TRAPPC12: variants seen among roughly 807,000 people sequenced by gnomAD.
TRAPPC12 encodes the protein trafficking protein particle complex subunit 12.
TRAPPC12 carries 61 observed loss-of-function variants against 69.2 expected under a neutral mutation model. That is an observed-to-expected ratio of 0.88 (90% confidence interval 0.72 to 1.09). The LOEUF (loss-of-function observed/expected upper bound fraction) is 1.09. Among genes scored for constraint, TRAPPC12 ranks in the 50% least tolerant of loss-of-function variants. The probability of loss-of-function intolerance (pLI) is 0.00; values close to 1 mark genes in which losing one functional copy is unlikely to be tolerated. For missense variants in TRAPPC12, 1,101 were observed against 1,016.4 expected, an observed-to-expected ratio of 1.08 and a Z score of -1.13; for synonymous variants, 469 against 438.9, an observed-to-expected ratio of 1.07 and a Z score of -0.86.
At chr2:3,450,583 G>A (rs1572179847) in intron 6 of TRAPPC12, among the ~76,000 whole-genome samples, 2 of 152,322 alleles carry the variant, frequency 1.3e-5, no homozygotes, top group Admixed American at 6.5e-5. Flanking sequence ...ACCTCGCATG[G>A]TGCCTGCCAG....
At chr2:3,415,479 C>G (rs1662324825) in intron 3 of TRAPPC12, among the ~76,000 whole-genome samples, 1 of 151,348 alleles carries the variant, frequency 6.6e-6, no homozygotes, top group African/African-American at 2.5e-5. Flanking sequence ...GATCTCCGCT[C>G]ACTGCAACCT....
rs779975523 is a variant in TRAPPC12, at chr2:3,403,233, T to TTTC, written c.1164+1342_1164+1343insCTT. Among the ~76,000 whole-genome samples the TTTC allele has an allele frequency of 9.2e-4, 126 of 137,240 alleles. No individual in the cohort carries two copies. The Middle Eastern group carries it at 0.011, about 12-fold the overall frequency. The allele number at this position is 137,240 out of a possible 152,430, so 90.0% of individuals were successfully genotyped here. A position where few individuals can be genotyped will look rare whatever the true frequency, so the allele number is the denominator to read the frequency against. On this transcript the variant is annotated intron_variant, in intron 3 of 11. Coordinates refer to ENST00000324266, the MANE Select transcript of TRAPPC12 (RefSeq NM_016030.6). ...CACCGGGCTTCAGATTTCACCAATT[T>TTTC]TTTTTTTTTTTTTTTTGAGATGGAG... is the stretch of plus-strand genomic sequence containing the variant.
rs185109741 is a variant in TRAPPC12, at chr2:3,391,838, C to T, written c.1047+3168C>T. Among the ~76,000 whole-genome samples, 199 of 152,280 alleles carry T rather than the reference C, an allele frequency of 1.3e-3. 1 individual carries two copies. Among genetic ancestry groups the T allele is most frequent in the Middle Eastern group, 6.8e-3 (2 of 294 alleles). On this transcript the variant is annotated intron_variant, in intron 2 of 11. Coordinates refer to ENST00000324266, the MANE Select transcript of TRAPPC12 (RefSeq NM_016030.6). ...CTGCTCCATGTTTCTTCCCTTCTCTCTCGGGGTCTTTGTCCTCTCTGCTGT... is the reference window on the plus strand; with the variant it reads ...CTGCTCCATGTTTCTTCCCTTCTCTTTCGGGGTCTTTGTCCTCTCTGCTGT...
intron 5 of TRAPPC12, among the ~76,000 whole-genome samples, chr2:3,435,072 G>A (rs1357552693): frequency 1.3e-5 from 2 of 152,308 alleles, no homozygotes; most frequent in East Asian, 1.9e-4. Flanking sequence ...GAGTGCAGTG[G>A]TGCGATCTCG....
At chr2:3,431,577 TTTAA>T (rs1436884504) in intron 5 of TRAPPC12, among the ~76,000 whole-genome samples, 1 of 152,182 alleles carries the variant, frequency 6.6e-6, no homozygotes, top group Non-Finnish European at 1.5e-5. Context: ...GCCTTCTTTC[TTTAA>T]TTTTCTTTTA....
intron 7 of TRAPPC12, among the ~76,000 whole-genome samples, chr2:3,458,892 GACAATCCAT>G (rs1372233396): frequency 1.3e-5 from 2 of 152,170 alleles, no homozygotes; most frequent in African/African-American, 4.8e-5. Context: ...AATTCATTGA[GACAATCCAT>G]ATTTTACATC....
intron 3 of TRAPPC12, among the ~76,000 whole-genome samples, chr2:3,408,654 T>C (rs1196799077): frequency 1.3e-5 from 2 of 151,958 alleles, no homozygotes; most frequent in Non-Finnish European, 2.9e-5. Context: ...AAAATAATAA[T>C]AACAATAAAG....
intron 6 of TRAPPC12, chr2:3,456,584 T>C (rs1241950367): frequency 1.3e-5 from 2 of 155,014 alleles, no homozygotes; most frequent in Admixed American, 1.3e-4. Flanking sequence ...ACATTCTCCA[T>C]GCTTTTTTTT....
intron 9 of TRAPPC12, among the ~76,000 whole-genome samples, chr2:3,475,754 G>C (rs1666265080): frequency 6.6e-6 from 1 of 152,206 alleles, no homozygotes; most frequent in African/African-American, 2.4e-5. Context: ...ACAGTGTTCT[G>C]TGTTAGCTGT....
At chr2:3,390,802 G>A (rs1660779655) in intron 2 of TRAPPC12, among the ~76,000 whole-genome samples, 1 of 152,178 alleles carries the variant, frequency 6.6e-6, no homozygotes, top group Non-Finnish European at 1.5e-5. Flanking sequence ...CTGGCGAGGT[G>A]CGTTGATCAT....
intron 2 of TRAPPC12, among the ~76,000 whole-genome samples, chr2:3,396,840 T>C (rs1381920781): frequency 6.6e-6 from 1 of 152,228 alleles, no homozygotes; most frequent in African/African-American, 2.4e-5. Context: ...CTTGAGAACA[T>C]TTATAAGAGG....
At chr2:3,433,661 C>G (rs1572152433) in intron 5 of TRAPPC12, among the ~76,000 whole-genome samples, 1 of 152,324 alleles carries the variant, frequency 6.6e-6, no homozygotes, top group South Asian at 2.1e-4. Context: ...GCACATTTCT[C>G]TTTTCTATAG....
At position 3,392,904 on chromosome 2, in the gene TRAPPC12, A is replaced by G. The variant is rs567942017; in HGVS notation, c.1047+4234A>G. On this transcript the variant is annotated intron_variant, in intron 2 of 11. Coordinates refer to ENST00000324266, the MANE Select transcript of TRAPPC12 (RefSeq NM_016030.6). Reference sequence around the variant, plus strand: ...CTCCATGCTCACTGCAGAATTATACAGTAGCCCAGATAGGGAATCAACCTA... The same window carrying G: ...CTCCATGCTCACTGCAGAATTATACGGTAGCCCAGATAGGGAATCAACCTA... Among the ~76,000 whole-genome samples the G allele has an allele frequency of 2.6e-5, 4 of 152,370 alleles. No homozygotes were observed. The East Asian group carries it at 7.7e-4, about 29-fold the overall frequency.
chr2:3,450,866 A>G (rs145072495), intron 6 of TRAPPC12, among the ~76,000 whole-genome samples: 1 of 152,010 alleles, frequency 6.6e-6, no homozygotes, highest in African/African-American at 2.4e-5. Flanking sequence ...CCCTAAACCT[A>G]TCCCGTGCTC....
At chr2:3,449,279 T>C (rs1416802694) in intron 6 of TRAPPC12, 1 of 152,336 alleles carries the variant, frequency 6.6e-6, no homozygotes, top group Non-Finnish European at 1.5e-5. Flanking sequence ...TAAGTAGACA[T>C]AATCCATACG....
chr2:3,415,002 G>A (rs546947974), intron 3 of TRAPPC12, among the ~76,000 whole-genome samples: 22 of 152,242 alleles, frequency 1.4e-4, no homozygotes, highest in African/African-American at 4.1e-4. Flanking sequence ...CTGCAGATAC[G>A]GAGGACCAAC....
chr2:3,427,179 C>T (rs745933914), intron 5 of TRAPPC12, among the ~76,000 whole-genome samples: 5 of 152,132 alleles, frequency 3.3e-5, no homozygotes, highest in Non-Finnish European at 5.9e-5. Context: ...CCTTGTTTTC[C>T]CCCATCCCAG....
At chr2:3,469,607 G>C (rs1020401725) in intron 9 of TRAPPC12, among the ~76,000 whole-genome samples, 1 of 152,156 alleles carries the variant, frequency 6.6e-6, no homozygotes, top group African/African-American at 2.4e-5. Flanking sequence ...AGCTCTGCCT[G>C]GCATCTCAGA....
At chr2:3,450,548 G>T (rs886182999) in intron 6 of TRAPPC12, among the ~76,000 whole-genome samples, 1 of 152,144 alleles carries the variant, frequency 6.6e-6, no homozygotes. Flanking sequence ...ATCCCCCCGG[G>T]GTGGCGAGGG....
Sources: gnomAD v4.1 joint callset for allele counts (sites outside exome capture counted in the v4.1 genomes callset) on GRCh38, gnomAD v4.1.1 for gene constraint, MANE v1.5 for transcripts, NCBI Gene and HGNC (gene_info 2026-07-23, HGNC 2026-07-21) for gene names.